The following PHC3 variants were observed in gnomAD, a reference collection of about 807,000 sequenced individuals.
PHC3 encodes polyhomeotic-like protein 3.
Under a neutral mutation model 107.4 loss-of-function variants are expected in PHC3, and 13 were observed. That is an observed-to-expected ratio of 0.12 (90% CI 0.08 to 0.19). The LOEUF is 0.19. PHC3 is among the 10% of genes least tolerant of loss of function. The pLI, the probability that PHC3 is intolerant of heterozygous loss-of-function variation, is 1.00. For missense variants in PHC3, 992 were observed against 1,210.9 expected, an observed-to-expected ratio of 0.82 and a Z score of 2.68; for synonymous variants, 456 against 427.4, an observed-to-expected ratio of 1.07 and a Z score of -0.83.
At chr3:170,109,808 A>G (rs2108315826) in intron 11 of PHC3, among the ~76,000 whole-genome samples, 1 of 152,248 alleles carries the variant, frequency 6.6e-6, no homozygotes, top group Non-Finnish European at 1.5e-5. Context: ...TTTATCCTTT[A>G]TATGCTTACC....
At chr3:170,142,074 T>C (rs1175697790) in intron 6 of PHC3, among the ~76,000 whole-genome samples, 2 of 152,148 alleles carry the variant, frequency 1.3e-5, no homozygotes, top group Non-Finnish European at 2.9e-5. Context: ...ATTTATTCCT[T>C]ATAACAATGC....
At chr3:170,155,118 C>T (rs1307119185) in intron 4 of PHC3, among the ~76,000 whole-genome samples, 1 of 152,172 alleles carries the variant, frequency 6.6e-6, no homozygotes, top group African/African-American at 2.4e-5. Flanking sequence ...AACAAGTCTG[C>T]CAGAAAAAGC....
chr3:170,158,886 C>T (rs1727359680), intron 4 of PHC3, among the ~76,000 whole-genome samples: 1 of 150,148 alleles, frequency 6.7e-6, no homozygotes, highest in South Asian at 2.1e-4. Context: ...ATATTAGCAC[C>T]ACTGCACTCC....
At chr3:170,172,792 G>A (rs1729813436) in intron 2 of PHC3, 80 bp from the exon 3 acceptor site, 1 of 1,483,574 alleles carries the variant, frequency 6.7e-7, no homozygotes, top group Non-Finnish European at 9.1e-7. Context: ...ATAAAAAAGT[G>A]GCAGTTTAAA....
intron 11 of PHC3, among the ~76,000 whole-genome samples, chr3:170,109,594 C>G (rs1717236821): frequency 6.6e-6 from 1 of 152,058 alleles, no homozygotes; most frequent in Non-Finnish European, 1.5e-5. Context: ...AATCTAGATC[C>G]CCCATTTTCT....
At chr3:170,152,339 T>A (rs1387619476) in intron 4 of PHC3, among the ~76,000 whole-genome samples, 2 of 135,042 alleles carry the variant, frequency 1.5e-5, no homozygotes, top group East Asian at 5.1e-4. Flanking sequence ...CCTGGCTAAT[T>A]TTTTTTTTTT....
chr3:170,145,973 A>G (rs896820020), intron 5 of PHC3, among the ~76,000 whole-genome samples: 4 of 152,246 alleles, frequency 2.6e-5, no homozygotes, highest in Non-Finnish European at 4.4e-5. Context: ...CCTCTTTATC[A>G]TAAGGATAAC....
At chr3:170,173,811 A>G (rs1038648796) in intron 2 of PHC3, among the ~76,000 whole-genome samples, 2 of 152,220 alleles carry the variant, frequency 1.3e-5, no homozygotes, top group African/African-American at 4.8e-5. Context: ...GGGTAGCTAG[A>G]TTAGAGGTGA....
Position 170,113,412 on chromosome 3 carries a change from T to A in PHC3, c.2301A>T (p.Thr767=), listed in dbSNP as rs748423245. ...TGTCAGATGAATTATCCGCATGTTT[T>A]GTATTATTCTGTAGCTCTGGCTGAA... The part of the protein sequence containing the change: ...VCVQPELQNN[T]KHADNSSDTE... The change falls in exon 11 of 15, where the codon ACA becomes ACT. Residue 767 remains threonine, a synonymous_variant. Transcript: ENST00000495893. The A allele has an allele frequency of 3.1e-6, 5 of 1,612,132 alleles. No individual in the cohort carries two copies. The East Asian group carries it at 8.9e-5, about 29-fold the overall frequency.
In PHC3 at chr3:170,097,308, A is replaced by G; in HGVS notation, c.2910T>C (p.His970=). 1 of 1,613,510 alleles carries G rather than the reference A, an allele frequency of 6.2e-7. No homozygotes were observed. Residue 970 remains histidine, a synonymous_variant, in exon 15 of 15, where the codon CAT becomes CAC. Coordinates refer to ENST00000495893, the MANE Select transcript of PHC3 (RefSeq NM_024947.4). The surrounding 1 kb of genome is among the most constrained non-coding windows in gnomAD (Gnocchi z 4.1). ...GCTTGATATTCATTGCACTCATGAG[A>G]TGGTCTTCTTTCAGCAAGAGAAGGG... ...GQALLLLKED[H]LMSAMNIKLG...
At chr3:170,172,222 A>G (rs925494251) in intron 3 of PHC3, among the ~76,000 whole-genome samples, 1 of 152,144 alleles carries the variant, frequency 6.6e-6, no homozygotes, top group Non-Finnish European at 1.5e-5. Flanking sequence ...AATTACTTAT[A>G]TAATTTTTTT....
intron 11 of PHC3, among the ~76,000 whole-genome samples, chr3:170,109,462 C>T (rs2059709456): frequency 6.6e-6 from 1 of 152,158 alleles, no homozygotes; most frequent in South Asian, 2.1e-4. Context: ...GTGCCCAATA[C>T]TAAGGAACTA....
intron 1 of PHC3, among the ~76,000 whole-genome samples, chr3:170,181,491 G>A (rs1193972683): frequency 1.3e-5 from 2 of 152,156 alleles, no homozygotes; most frequent in Non-Finnish European, 2.9e-5. Context: ...ATGGCGGAAG[G>A]GGCGCTCCTG....
At position 170,136,672 on chromosome 3, in the gene PHC3, A is replaced by G. The variant is rs764575887; in HGVS notation, c.673-7T>C. The G allele has an allele frequency of 3.1e-6, 5 of 1,611,806 alleles. No individual in the cohort carries two copies. The highest frequency in any genetic ancestry group is 4.2e-6 in the Non-Finnish European group (5 of 1,178,894). ...GTAATGTTAAATTCTGAACCTAAGA[A>G]CCACATAACAGAAAATTAGGATGAA... On this transcript the variant is annotated splice_region_variant and splice_polypyrimidine_tract_variant and intron_variant, in intron 6 of 14. Transcript: ENST00000495893.
intron 4 of PHC3, among the ~76,000 whole-genome samples, chr3:170,156,453 G>A (rs752227452): frequency 1.7e-4 from 26 of 151,682 alleles, no homozygotes; most frequent in Non-Finnish European, 2.2e-4. Flanking sequence ...GACGAGTTTC[G>A]CCATGTTGGC....
intron 5 of PHC3, 72 bp downstream of exon 5, chr3:170,149,014 G>T: frequency 7.1e-7 from 1 of 1,417,784 alleles, no homozygotes. Flanking sequence ...ACCTCTTATT[G>T]TATCAAATCA....
At chr3:170,127,712 G>A (rs1398724542) in intron 8 of PHC3, among the ~76,000 whole-genome samples, 2 of 152,110 alleles carry the variant, frequency 1.3e-5, no homozygotes, top group East Asian at 3.8e-4. Context: ...AAATCTCTTG[G>A]ATGAGGTGTA....
rs1341256197 is a variant in PHC3, at chr3:170,090,010, G to GT, written c.*7219dup. ...TTATATCAACACCAGCTTTTTTTTT[G>GT]TTCTGCCACATGCCTTGTATAGCAA... On this transcript the variant is annotated 3_prime_UTR_variant, in exon 15 of 15. Coordinates refer to ENST00000495893, the MANE Select transcript of PHC3 (RefSeq NM_024947.4). 7.2e-6 allele frequency: 1 copy of GT among 139,692 alleles called. No homozygotes were observed. The highest frequency in any genetic ancestry group is 2.6e-5 in the African/African-American group (1 of 37,776). 8.7% of individuals were successfully genotyped at this position (139,692 alleles called of 1,614,324 possible).
At chr3:170,107,022 G>C (rs1336529710) in intron 11 of PHC3, 76 bp from the exon 12 acceptor site, 1 of 996,460 alleles carries the variant, frequency 1.0e-6, no homozygotes, top group Admixed American at 2.7e-5. Context: ...TCTATACTTT[G>C]GTTGGATACT....
Sources: allele counts gnomAD v4.1 joint callset (sites outside exome capture counted in the v4.1 genomes callset), GRCh38; gene constraint gnomAD v4.1.1; non-coding constraint Gnocchi (gnomAD v3.1); transcripts MANE v1.5; gene names NCBI Gene and HGNC (gene_info 2026-07-23, HGNC 2026-07-21).